Variants in CDH18 observed in about 807,000 individuals in gnomAD.
CDH18 encodes the protein cadherin-18.
In CDH18, 31 loss-of-function variants were observed where a neutral mutation model predicts 67.9. The observed-to-expected ratio is 0.46, with a 90% CI of 0.34 to 0.62. CDH18 has a LOEUF of 0.62. Among genes scored for constraint, CDH18 ranks in the 20% least tolerant of loss-of-function variants. The pLI is 0.01. For missense variants in CDH18, 890 were observed against 975.5 expected, an observed-to-expected ratio of 0.91 and a Z score of 1.17; for synonymous variants, 362 against 347.2, an observed-to-expected ratio of 1.04 and a Z score of -0.48.
At chr5:20,392,088 G>A (rs1291548391) in intron 1 of CDH18, among the ~76,000 whole-genome samples, 1 of 151,744 alleles carries the variant, frequency 6.6e-6, no homozygotes, top group African/African-American at 2.4e-5. Flanking sequence ...ATTTGTCAAA[G>A]TATTTTTAAA....
chr5:19,994,506 C>A (rs780733933), intron 2 of CDH18, among the ~76,000 whole-genome samples: 5 of 149,660 alleles, frequency 3.3e-5, no homozygotes, highest in Non-Finnish European at 7.4e-5. Context: ...GGGTCTCTGA[C>A]TATGGAACTT....
chr5:19,694,886 A>AAC (rs1762352427), intron 5 of CDH18, among the ~76,000 whole-genome samples: 1 of 151,664 alleles, frequency 6.6e-6, no homozygotes, highest in African/African-American at 2.4e-5. Context: ...AAAAAAAAAA[A>AAC]AGATAAGGTT....
At chr5:20,309,737 T>C (rs1434757606) in intron 1 of CDH18, among the ~76,000 whole-genome samples, 1 of 152,176 alleles carries the variant, frequency 6.6e-6, no homozygotes, top group Admixed American at 6.5e-5. Context: ...GATTTCTTCA[T>C]TTACTTTGAG....
chr5:20,399,395 A>G lies in CDH18; in HGVS notation c.-579-143890T>C, dbSNP rs575659384. On this transcript the variant is annotated intron_variant, in intron 1 of 14. Coordinates refer to the CDH18 transcript ENST00000507958. ...AAGAGGAATAAGAATGAATTCCTAG[A>G]GGAAGTAATGAAAATTGATTACTTC... 2.6e-5 allele frequency among the ~76,000 whole-genome samples: 4 copies of G among 152,328 alleles called. No individual in the cohort carries two copies. The South Asian group carries it at 8.3e-4, about 32-fold the overall frequency.
intron 1 of CDH18, among the ~76,000 whole-genome samples, chr5:20,540,517 A>T (rs1703066): frequency 0.44 from 67,501 of 151,946 alleles, 15,430 homozygotes; most frequent in East Asian, 0.57. Context: ...ATAGCCAAAC[A>T]TGTTTGATAC....
chr5:20,075,358 C>T (rs920142837), intron 2 of CDH18, among the ~76,000 whole-genome samples: 1 of 152,060 alleles, frequency 6.6e-6, no homozygotes, highest in Non-Finnish European at 1.5e-5. Flanking sequence ...CAAAAATAAG[C>T]TGGGCATTAT....
intron 2 of CDH18, among the ~76,000 whole-genome samples, chr5:20,040,684 G>A (rs1455094786): frequency 6.6e-6 from 1 of 152,124 alleles, no homozygotes; most frequent in Non-Finnish European, 1.5e-5. Context: ...CTAAATGTTA[G>A]AGTTATCTAA....
At chr5:19,958,663 G>A (rs1314244092) in intron 2 of CDH18, among the ~76,000 whole-genome samples, 1 of 152,060 alleles carries the variant, frequency 6.6e-6, no homozygotes. Flanking sequence ...GAGCCTGTTA[G>A]TGTCAGCCTG....
chr5:19,907,694 C>T (rs777625566), intron 2 of CDH18, among the ~76,000 whole-genome samples: 8 of 151,690 alleles, frequency 5.3e-5, no homozygotes, highest in Non-Finnish European at 1.2e-4. Context: ...CTTTTTTTCA[C>T]CTACAATTTC....
chr5:20,263,043 G>A (rs1744777101), intron 1 of CDH18, among the ~76,000 whole-genome samples: 1 of 149,264 alleles, frequency 6.7e-6, no homozygotes, highest in African/African-American at 2.5e-5. Context: ...ACAGGGATGG[G>A]GGGACAGAGG....
At chr5:20,482,677 T>C (rs1372157056) in intron 1 of CDH18, among the ~76,000 whole-genome samples, 2 of 152,026 alleles carry the variant, frequency 1.3e-5, no homozygotes, top group East Asian at 1.9e-4. Flanking sequence ...AAAAACCATA[T>C]GATAATTTAA....
At chr5:20,367,390 G>T (rs1367831865) in intron 1 of CDH18, among the ~76,000 whole-genome samples, 6 of 152,120 alleles carry the variant, frequency 3.9e-5, no homozygotes, top group African/African-American at 1.4e-4. Flanking sequence ...AAACACTTTC[G>T]CTGGCTGGCC....
intron 1 of CDH18, among the ~76,000 whole-genome samples, chr5:20,385,369 T>C (rs1200884160): frequency 2.0e-5 from 3 of 152,134 alleles, no homozygotes; most frequent in African/African-American, 7.2e-5. Flanking sequence ...TCTGATCTAA[T>C]AGTTCTGAGC....
At chr5:20,386,562 A>G (rs1744325251) in intron 1 of CDH18, among the ~76,000 whole-genome samples, 1 of 152,116 alleles carries the variant, frequency 6.6e-6, no homozygotes, top group Admixed American at 6.6e-5. Context: ...ACATATGAAA[A>G]CCGAGGCATG....
intron 1 of CDH18, among the ~76,000 whole-genome samples, chr5:20,257,850 T>C (rs1379356956): frequency 6.6e-6 from 1 of 152,138 alleles, no homozygotes; most frequent in Non-Finnish European, 1.5e-5. Flanking sequence ...ATGCAACAAT[T>C]ATTTTACAGA....
At chr5:20,345,911 G>A (rs1740661725) in intron 1 of CDH18, among the ~76,000 whole-genome samples, 1 of 152,138 alleles carries the variant, frequency 6.6e-6, no homozygotes, top group Non-Finnish European at 1.5e-5. Flanking sequence ...CCTTTGGAAT[G>A]TCACAAATTA....
rs967079794 is a variant in CDH18, at chr5:19,696,362, C to T, written c.643+24985G>A. On this transcript the variant is annotated intron_variant, in intron 5 of 12. Transcript: ENST00000382275. ...GACCAGCCTGGTCAACATGGTGAAA[C>T]CCTGTCTCTACTAAAAATACAAAAA... Among the ~76,000 whole-genome samples the T allele has an allele frequency of 2.0e-5, 3 of 151,576 alleles. No individual in the cohort carries two copies. The Middle Eastern group carries it at 0.01, about 516-fold the overall frequency.
At chr5:19,953,640 G>A (rs1421469885) in intron 2 of CDH18, among the ~76,000 whole-genome samples, 1 of 151,906 alleles carries the variant, frequency 6.6e-6, no homozygotes, top group African/African-American at 2.4e-5. Context: ...TCCATTTTGT[G>A]GTGTATCTTT....
chr5:20,306,195 G>A, intron 1 of CDH18, among the ~76,000 whole-genome samples: 1 of 152,142 alleles, frequency 6.6e-6, no homozygotes, highest in Non-Finnish European at 1.5e-5. Flanking sequence ...CATAGAAAAT[G>A]CTTCAATATA....
Sources: allele counts gnomAD v4.1 joint callset (sites outside exome capture counted in the v4.1 genomes callset), GRCh38; gene constraint gnomAD v4.1.1; transcripts MANE v1.5; gene names NCBI Gene and HGNC (gene_info 2026-07-23, HGNC 2026-07-21).